ATE1: variants seen among roughly 807,000 people sequenced by gnomAD.
The protein encoded by ATE1 is arginyltransferase 1.
In ATE1, 36 loss-of-function variants were observed where a neutral mutation model predicts 70.5. That is an observed-to-expected ratio of 0.51 (90% CI 0.39 to 0.67). ATE1 has a LOEUF of 0.67. Ranked by LOEUF, ATE1 falls within the 30% of genes least tolerant of loss-of-function variation. The probability of loss-of-function intolerance (pLI) is 0.00; values close to 1 mark genes in which losing one functional copy is unlikely to be tolerated. For missense variants in ATE1, 593 were observed against 629.5 expected (o/e 0.94, Z 0.62); for synonymous variants, 232 against 219.3 (o/e 1.06, Z -0.51).
chr10:121,814,816 G>A (rs1947470637), intron 10 of ATE1, among the ~76,000 whole-genome samples: 1 of 152,110 alleles, frequency 6.6e-6, no homozygotes, highest in Admixed American at 6.6e-5. Flanking sequence ...ACGTAAACTT[G>A]GGTAAATCAG....
intron 7 of ATE1, among the ~76,000 whole-genome samples, chr10:121,892,402 AG>A: frequency 6.6e-6 from 1 of 151,362 alleles, no homozygotes; most frequent in South Asian, 2.1e-4. Context: ...GATTTGGGGG[AG>A]AAGGGAGGAG....
intron 10 of ATE1, among the ~76,000 whole-genome samples, chr10:121,800,582 AAATT>A (rs1946838256): frequency 6.6e-6 from 1 of 152,242 alleles, no homozygotes; most frequent in Non-Finnish European, 1.5e-5. Flanking sequence ...AGTTCAAGTT[AAATT>A]AAAATGTAAG....
chr10:121,770,481 G>A (rs1434724808), intron 11 of ATE1, among the ~76,000 whole-genome samples: 2 of 152,024 alleles, frequency 1.3e-5, no homozygotes, highest in East Asian at 3.8e-4. Context: ...AAACTATAGC[G>A]TTTTATGTAC....
chr10:121,816,430 T>C (rs1947545204), intron 10 of ATE1, among the ~76,000 whole-genome samples: 1 of 152,208 alleles, frequency 6.6e-6, no homozygotes, highest in Non-Finnish European at 1.5e-5. Flanking sequence ...TCCACCCTCA[T>C]CAATGGACTA....
chr10:121,866,493 AG>A (rs1949667431), intron 8 of ATE1, among the ~76,000 whole-genome samples: 1 of 152,236 alleles, frequency 6.6e-6, no homozygotes, highest in South Asian at 2.1e-4. Flanking sequence ...TTCACCAAAG[AG>A]TGAAACTTCC....
At chr10:121,802,456 C>T (rs1330200363) in intron 10 of ATE1, among the ~76,000 whole-genome samples, 4 of 151,796 alleles carry the variant, frequency 2.6e-5, no homozygotes, top group Non-Finnish European at 5.9e-5. Flanking sequence ...TTACAGGCGC[C>T]CACCACCACG....
At chr10:121,873,014 G>A (rs1057299909) in intron 7 of ATE1, among the ~76,000 whole-genome samples, 1 of 152,014 alleles carries the variant, frequency 6.6e-6, no homozygotes, top group Non-Finnish European at 1.5e-5. Flanking sequence ...AATAACAATC[G>A]TAGGTTAACA....
At chr10:121,843,676 A>T (rs2133809189) in intron 8 of ATE1, among the ~76,000 whole-genome samples, 1 of 152,304 alleles carries the variant, frequency 6.6e-6, no homozygotes, top group South Asian at 2.1e-4. Context: ...TGCAATAGAG[A>T]AAGAATACTC....
At chr10:121,838,073 C>G (rs1948494577) in intron 9 of ATE1, among the ~76,000 whole-genome samples, 1 of 152,142 alleles carries the variant, frequency 6.6e-6, no homozygotes, top group Non-Finnish European at 1.5e-5. Context: ...ACCACCTCCA[C>G]CTCAGATATT....
At position 121,743,788 on chromosome 10, in the gene ATE1, A is replaced by T. The variant is rs780094821; in HGVS notation, c.1449T>A (p.Gly483=). ...VFHKRAIMPY[G]VYKKQQKDPS... ...GGTCTTTCTGCTGTTTCTTATAAAC[A>T]CCGTAAGGCATGATGGCTCTCTTGT... Residue 483 remains glycine, a synonymous_variant, in exon 12 of 12, where the codon GGT becomes GGA. Transcript: ENST00000224652. 30 of 1,613,940 alleles carry T rather than the reference A, an allele frequency of 1.9e-5. No individual in the cohort carries two copies. Among genetic ancestry groups the T allele is most frequent in the Non-Finnish European group, 2.5e-5 (29 of 1,180,022 alleles).
At chr10:121,927,709 C>T in intron 1 of ATE1, 135 bp downstream of exon 1, 1 of 1,342,366 alleles carries the variant, frequency 7.4e-7, no homozygotes. Context: ...CGCGGCCCTC[C>T]CGAGAGTGCC....
At chr10:121,918,095 G>A (rs1311521675) in intron 3 of ATE1, among the ~76,000 whole-genome samples, 1 of 152,188 alleles carries the variant, frequency 6.6e-6, no homozygotes, top group Non-Finnish European at 1.5e-5. Flanking sequence ...AGCACTTTGG[G>A]AGGCCAAGGC....
chr10:121,775,670 A>G (rs544401502), intron 11 of ATE1, among the ~76,000 whole-genome samples: 38 of 152,330 alleles, frequency 2.5e-4, no homozygotes, highest in African/African-American at 9.1e-4. Flanking sequence ...CAAAGTTGGC[A>G]TTTTATTTAT....
chr10:121,891,139 T>C (rs1263239100), intron 7 of ATE1, among the ~76,000 whole-genome samples: 1 of 152,114 alleles, frequency 6.6e-6, no homozygotes, highest in Admixed American at 6.5e-5. Context: ...AGAAAGTGGG[T>C]TGCCCAAAAA....
At chr10:121,780,977 G>A (rs79745644) in intron 11 of ATE1, among the ~76,000 whole-genome samples, 2,715 of 152,234 alleles carry the variant, frequency 0.018, 65 homozygotes, top group African/African-American at 0.062. Flanking sequence ...GTAAATACAT[G>A]CTGAGTGAAT....
chr10:121,928,024 A>C lies in ATE1; in HGVS notation c.-75T>G. On this transcript the variant is annotated 5_prime_UTR_variant, in exon 1 of 12. Coordinates refer to ENST00000224652, the MANE Select transcript of ATE1 (RefSeq NM_001001976.3). Reference sequence around the variant, plus strand: ...GGCCGCCGCCGCCACCCCACAATGCAGCGCGCCGCCCGGGAGCCTCCCGAG... The same window carrying C: ...GGCCGCCGCCGCCACCCCACAATGCCGCGCGCCGCCCGGGAGCCTCCCGAG... The C allele has an allele frequency of 7.8e-7, 1 of 1,286,700 alleles. No individual in the cohort carries two copies. Among genetic ancestry groups the C allele is most frequent in the Non-Finnish European group, 9.8e-7 (1 of 1,016,116 alleles). The allele number at this position is 1,286,700 out of a possible 1,614,324, so 79.7% of individuals were successfully genotyped here.
intron 7 of ATE1, among the ~76,000 whole-genome samples, chr10:121,882,180 A>C (rs534987433): frequency 4.0e-5 from 6 of 150,546 alleles, no homozygotes; most frequent in African/African-American, 1.2e-4. Context: ...AATCAAACTG[A>C]GTGGTTTTGA....
intron 9 of ATE1, among the ~76,000 whole-genome samples, chr10:121,840,326 G>A (rs749730493): frequency 2.0e-4 from 31 of 151,986 alleles, no homozygotes; most frequent in Non-Finnish European, 4.3e-4. Flanking sequence ...TTAACTTAAC[G>A]TTTAATTAAT....
intron 5 of ATE1, 80 bp from the exon 6 acceptor site, chr10:121,902,700 T>C: frequency 7.3e-7 from 1 of 1,363,810 alleles, no homozygotes; most frequent in East Asian, 2.5e-5. Context: ...GATTCTACAG[T>C]GTAAGTCCAA....
Sources: gnomAD v4.1 joint callset for allele counts (sites outside exome capture counted in the v4.1 genomes callset) on GRCh38, gnomAD v4.1.1 for gene constraint, MANE v1.5 for transcripts, NCBI Gene and HGNC (gene_info 2026-07-23, HGNC 2026-07-21) for gene names.